Variants in FGGY observed in about 807,000 individuals in gnomAD.
The protein encoded by FGGY is FGGY carbohydrate kinase domain-containing protein.
FGGY carries 72 observed loss-of-function variants against 71.3 expected under a neutral mutation model. The ratio of observed to expected loss-of-function variants is 1.01; its 90% CI spans 0.84 to 1.23. The LOEUF (loss-of-function observed/expected upper bound fraction) is 1.23, where lower values mean the gene tolerates loss of function less well. FGGY is among the 50% of genes most tolerant of loss of function. FGGY has a pLI of 0.00. For missense variants in FGGY, 668 were observed against 682.3 expected, an observed-to-expected ratio of 0.98 and a Z score of 0.23; for synonymous variants, 251 against 250.3, an observed-to-expected ratio of 1.00 and a Z score of -0.02.
intron 12 of FGGY, among the ~76,000 whole-genome samples, chr1:59,664,526 G>C (rs559840886): frequency 5.3e-5 from 8 of 152,316 alleles, no homozygotes; most frequent in African/African-American, 1.7e-4. Context: ...TAGGTCCCTG[G>C]TTTTAGAAAT....
rs573531475 is a variant in FGGY, at chr1:59,430,407, C to T, written c.555-26554C>T. Among the ~76,000 whole-genome samples, 6 of 152,146 alleles carry T rather than the reference C, an allele frequency of 3.9e-5. No homozygotes were observed. In the East Asian group the frequency reaches 7.7e-4, roughly 20 times the overall value. On this transcript the variant is annotated intron_variant, in intron 5 of 15. Coordinates refer to ENST00000303721, the MANE Select transcript of FGGY (RefSeq NM_018291.5). ...TCATGTCTTTTTTGGTGTAAAATCC[C>T]GGTGCAGGGAGACATTTCATATTAC...
At chr1:59,654,101 G>T (rs1447658470) in intron 11 of FGGY, among the ~76,000 whole-genome samples, 2 of 152,204 alleles carry the variant, frequency 1.3e-5, no homozygotes, top group Non-Finnish European at 2.9e-5. Flanking sequence ...TTAGGATTCT[G>T]CTTACCACAT....
chr1:59,373,639 C>T (rs1488999924), intron 4 of FGGY, among the ~76,000 whole-genome samples: 1 of 152,174 alleles, frequency 6.6e-6, no homozygotes, highest in Non-Finnish European at 1.5e-5. Flanking sequence ...AGGCATCACG[C>T]TACCTGACTT....
rs144699610 is a variant in FGGY at position 59,482,634 on chromosome 1, G to GTGTATATATATATATATA, written c.670+25559_670+25560insGTATATATATATATATAT. On this transcript the variant is annotated intron_variant, in intron 6 of 15. Transcript: ENST00000303721. Reference sequence around the variant, plus strand: ...CATATGTGTGTGTGTGTGTCTGTGTGTATATATATATATATATAAACACCA... The same window carrying GTGTATATATATATATATA: ...CATATGTGTGTGTGTGTGTCTGTGTGTGTATATATATATATATATATATATATATATATATAAACACCA... Among the ~76,000 whole-genome samples the GTGTATATATATATATATA allele has an allele frequency of 2.1e-3, 312 of 147,526 alleles. 1 individual carries two copies. Among genetic ancestry groups the GTGTATATATATATATATA allele is most frequent in the African/African-American group, 7.4e-3 (296 of 39,958 alleles).
chr1:59,361,512 A>G (rs2055511910), intron 4 of FGGY, among the ~76,000 whole-genome samples: 1 of 152,006 alleles, frequency 6.6e-6, no homozygotes, highest in African/African-American at 2.4e-5. Context: ...AGGAAATGAG[A>G]CCTCCGTGGG....
intron 9 of FGGY, among the ~76,000 whole-genome samples, chr1:59,623,009 TG>T (rs1160448078): frequency 6.6e-6 from 1 of 152,000 alleles, no homozygotes; most frequent in African/African-American, 2.4e-5. Context: ...CACTGAGGAG[TG>T]GAAAATAATG....
At chr1:59,718,666 C>T (rs2097862173) in intron 14 of FGGY, among the ~76,000 whole-genome samples, 2 of 152,140 alleles carry the variant, frequency 1.3e-5, no homozygotes, top group Non-Finnish European at 2.9e-5. Context: ...GTCACTTGTC[C>T]CTCTTCCAAA....
intron 5 of FGGY, among the ~76,000 whole-genome samples, chr1:59,431,063 A>G (rs1055097135): frequency 2.0e-5 from 3 of 152,150 alleles, no homozygotes; most frequent in African/African-American, 7.2e-5. Context: ...TGCCTCAGAT[A>G]TCACTGGGAT....
chr1:59,757,769 T>C (rs1025700870), intron 14 of FGGY, among the ~76,000 whole-genome samples, 162 bp from the exon 15 acceptor site: 3 of 152,186 alleles, frequency 2.0e-5, no homozygotes, highest in African/African-American at 7.2e-5. Context: ...CCTATTTTTG[T>C]GTTTTATTCT....
intron 14 of FGGY, among the ~76,000 whole-genome samples, chr1:59,703,984 T>C (rs190763810): frequency 6.6e-6 from 1 of 152,270 alleles, no homozygotes; most frequent in Non-Finnish European, 1.5e-5. Flanking sequence ...TGGAGTGTGA[T>C]TGTGTACATG....
chr1:59,555,725 C>T (rs2095674305), intron 8 of FGGY, among the ~76,000 whole-genome samples: 2 of 152,122 alleles, frequency 1.3e-5, no homozygotes, highest in Admixed American at 1.3e-4. Context: ...TTTGGCCAGA[C>T]ACAGTGGCTC....
intron 10 of FGGY, among the ~76,000 whole-genome samples, chr1:59,631,658 A>G (rs2096909588): frequency 6.6e-6 from 1 of 152,222 alleles, no homozygotes; most frequent in Non-Finnish European, 1.5e-5. Context: ...CTCAGAGCTT[A>G]GGGTCAGCAA....
intron 5 of FGGY, among the ~76,000 whole-genome samples, chr1:59,384,798 AG>A (rs560215476): frequency 1.1e-3 from 163 of 152,254 alleles, no homozygotes; most frequent in Non-Finnish European, 1.9e-3. Context: ...TACACAATAA[AG>A]GGTTCTTTTA....
rs112207330 is a variant in FGGY, at chr1:59,699,656, C to T, written c.1512+25523C>T. Among the ~76,000 whole-genome samples the T allele has an allele frequency of 1.5e-3, 233 of 152,270 alleles. 1 individual carries two copies. Among genetic ancestry groups the T allele is most frequent in the African/African-American group, 5.4e-3 (224 of 41,554 alleles). On this transcript the variant is annotated intron_variant, in intron 14 of 15. Coordinates refer to ENST00000303721, the MANE Select transcript of FGGY (RefSeq NM_018291.5). ...AAGAGGTTTTTATAAAAATAAAGAA[C>T]TAGCTGAACTTGGAGTAACATACAG...
intron 11 of FGGY, among the ~76,000 whole-genome samples, chr1:59,647,475 C>A (rs2097106391): frequency 6.6e-6 from 1 of 152,136 alleles, no homozygotes. Context: ...TAAATTTATT[C>A]TCTTACAGTT....
intron 5 of FGGY, among the ~76,000 whole-genome samples, chr1:59,446,653 A>G (rs1400865802): frequency 1.3e-5 from 2 of 152,172 alleles, no homozygotes; most frequent in Non-Finnish European, 2.9e-5. Flanking sequence ...AGTCTGTTGC[A>G]TGGCTTGGAA....
intron 2 of FGGY, among the ~76,000 whole-genome samples, chr1:59,326,988 G>A (rs367790831): frequency 2.6e-5 from 4 of 152,346 alleles, no homozygotes; most frequent in African/African-American, 9.6e-5. Context: ...CAAAAAATGT[G>A]TTAATGATCA....
Position 59,653,840 on chromosome 1 carries a change from C to T in FGGY, c.1222-6379C>T, listed in dbSNP as rs574509233. Among the ~76,000 whole-genome samples the T allele has an allele frequency of 1.8e-4, 28 of 152,274 alleles. No individual in the cohort carries two copies. In the East Asian group the frequency reaches 4.4e-3, roughly 24 times the overall value. On this transcript the variant is annotated intron_variant, in intron 11 of 15. Coordinates refer to ENST00000303721, the MANE Select transcript of FGGY (RefSeq NM_018291.5). The stretch of plus-strand genomic sequence containing the variant: ...ATCTTTCTCATGCTTTGAACCACTC[C>T]GATTTCTATTTCTGCTTCATCTCTC...
intron 8 of FGGY, among the ~76,000 whole-genome samples, chr1:59,603,784 G>T (rs758512426): frequency 6.6e-5 from 10 of 152,150 alleles, no homozygotes; most frequent in Admixed American, 1.3e-4. Context: ...AGGCCAGAAG[G>T]TTATGTTCAG....
Sources: gnomAD v4.1 joint callset for allele counts (sites outside exome capture counted in the v4.1 genomes callset) on GRCh38, gnomAD v4.1.1 for gene constraint, MANE v1.5 for transcripts, NCBI Gene and HGNC (gene_info 2026-07-23, HGNC 2026-07-21) for gene names.